Variants in EMC2 observed in about 807,000 individuals in gnomAD.
The protein encoded by EMC2 is ER membrane protein complex subunit 2.
Under a neutral mutation model 51.6 loss-of-function variants are expected in EMC2, and 37 were observed. That is an observed-to-expected ratio of 0.72 (90% CI 0.55 to 0.94). The LOEUF is 0.94. Among genes scored for constraint, EMC2 ranks in the 40% least tolerant of loss-of-function variants. The pLI, the probability that EMC2 is intolerant of heterozygous loss-of-function variation, is 0.00. For missense variants in EMC2, 359 were observed against 350.9 expected (o/e 1.02, Z -0.18); for synonymous variants, 131 against 112.4 (o/e 1.17, Z -1.04).
At chr8:108,451,222 AT>A (rs1486219263) in intron 3 of EMC2, among the ~76,000 whole-genome samples, 1 of 115,198 alleles carries the variant, frequency 8.7e-6, no homozygotes, top group Non-Finnish European at 1.7e-5. Context: ...AAAGAAAAAA[AT>A]CAAACAAACC....
chr8:108,451,447 C>T (rs1035562500), intron 3 of EMC2, among the ~76,000 whole-genome samples: 1 of 151,842 alleles, frequency 6.6e-6, no homozygotes, highest in South Asian at 2.1e-4. Context: ...TCTTAAGTAC[C>T]GCTTCATGCT....
At chr8:108,465,058 A>G (rs1819435203) in intron 5 of EMC2, among the ~76,000 whole-genome samples, 1 of 152,110 alleles carries the variant, frequency 6.6e-6, no homozygotes, top group Admixed American at 6.5e-5. Flanking sequence ...TCTAGGTAGT[A>G]TCTCTTCCCC....
At chr8:108,466,556 G>T (rs527330397) in intron 5 of EMC2, among the ~76,000 whole-genome samples, 2 of 147,466 alleles carry the variant, frequency 1.4e-5, no homozygotes, top group East Asian at 4.1e-4. Context: ...GGGCTCAAGC[G>T]ATCTCCCACC....
intron 1 of EMC2, among the ~76,000 whole-genome samples, chr8:108,444,705 C>G (rs375067672): frequency 6.6e-6 from 1 of 152,112 alleles, no homozygotes; most frequent in East Asian, 1.9e-4. Flanking sequence ...TGTACTTGAA[C>G]TGAATTAAAT....
chr8:108,476,474 A>G (rs1001109008), intron 8 of EMC2, among the ~76,000 whole-genome samples: 6 of 151,960 alleles, frequency 3.9e-5, no homozygotes, highest in Admixed American at 3.9e-4. Flanking sequence ...AGAAAATACA[A>G]TGTGAGGTGA....
At chr8:108,473,261 C>T (rs1405331473) in intron 7 of EMC2, among the ~76,000 whole-genome samples, 2 of 151,810 alleles carry the variant, frequency 1.3e-5, no homozygotes, top group Non-Finnish European at 2.9e-5. Context: ...TTTTTTGTGT[C>T]AGCACTACCA....
intron 5 of EMC2, among the ~76,000 whole-genome samples, chr8:108,468,419 A>G (rs999597638): frequency 6.6e-6 from 1 of 152,176 alleles, no homozygotes; most frequent in African/African-American, 2.4e-5. Context: ...GGCCTTTGCC[A>G]TGACCTGATT....
At chr8:108,453,786 T>TA (rs1819088987) in intron 4 of EMC2, among the ~76,000 whole-genome samples, 1 of 152,182 alleles carries the variant, frequency 6.6e-6, no homozygotes, top group Admixed American at 6.5e-5. Context: ...TTCTGCCTAT[T>TA]ATGTCTGTTA....
chr8:108,467,721 T>C (rs1481171938), intron 5 of EMC2, among the ~76,000 whole-genome samples: 1 of 152,174 alleles, frequency 6.6e-6, no homozygotes, highest in Non-Finnish European at 1.5e-5. Flanking sequence ...CCAACTGTTT[T>C]CAACAAGTTT....
At chr8:108,477,538 CT>C (rs921853582) in intron 9 of EMC2, among the ~76,000 whole-genome samples, 1 of 151,962 alleles carries the variant, frequency 6.6e-6, no homozygotes, top group Non-Finnish European at 1.5e-5. Context: ...CCTTTGACTT[CT>C]TGATGAGTGT....
chr8:108,473,263 G>A (rs9297412), intron 7 of EMC2, among the ~76,000 whole-genome samples: 103,793 of 151,714 alleles, frequency 0.68, 36,065 homozygotes, highest in African/African-American at 0.81. Flanking sequence ...TTTTGTGTCA[G>A]CACTACCAAT....
intron 1 of EMC2, among the ~76,000 whole-genome samples, chr8:108,444,486 G>A (rs981283096): frequency 1.3e-5 from 2 of 152,040 alleles, no homozygotes; most frequent in Non-Finnish European, 2.9e-5. Context: ...TTAAGGCGTG[G>A]AATTTGTGTA....
chr8:108,477,681 T>G (rs1222625302), intron 9 of EMC2, among the ~76,000 whole-genome samples: 2 of 152,024 alleles, frequency 1.3e-5, no homozygotes, highest in Admixed American at 6.6e-5. Context: ...TCAAGAAAAT[T>G]TTCCTGGATT....
intron 3 of EMC2, among the ~76,000 whole-genome samples, chr8:108,452,615 C>G (rs929111821): frequency 6.6e-6 from 1 of 151,948 alleles, no homozygotes; most frequent in Non-Finnish European, 1.5e-5. Context: ...TTCAACAGGG[C>G]AAAATTAATC....
At chr8:108,485,570 TACAC>T (rs547924736) in intron 10 of EMC2, among the ~76,000 whole-genome samples, 352 of 140,984 alleles carry the variant, frequency 2.5e-3, no homozygotes, top group Non-Finnish European at 4.0e-3. Context: ...CACACACACA[TACAC>T]ACACAATAAA....
At chr8:108,465,601 C>T (rs1344971469) in intron 5 of EMC2, among the ~76,000 whole-genome samples, 2 of 152,114 alleles carry the variant, frequency 1.3e-5, no homozygotes, top group Admixed American at 6.5e-5. Flanking sequence ...CTTTTAGTAG[C>T]GTGTTTTTCA....
chr8:108,462,287 A>G (rs1324268790), intron 5 of EMC2, among the ~76,000 whole-genome samples: 1 of 151,788 alleles, frequency 6.6e-6, no homozygotes, highest in Non-Finnish European at 1.5e-5. Context: ...CTATGTAACA[A>G]TATAGTTTAA....
intron 10 of EMC2, 113 bp downstream of exon 10, chr8:108,479,223 G>A (rs1811003122): frequency 2.3e-6 from 1 of 441,206 alleles, no homozygotes; most frequent in South Asian, 8.9e-5. Flanking sequence ...TGCCTTTGGG[G>A]CTTTATCAAA....
At chr8:108,451,999 A>G (rs111383661) in intron 3 of EMC2, among the ~76,000 whole-genome samples, 1 of 152,246 alleles carries the variant, frequency 6.6e-6, no homozygotes, top group African/African-American at 2.4e-5. Context: ...TTTTATTACC[A>G]GTTAATAGTT....
Sources: allele counts gnomAD v4.1 joint callset (sites outside exome capture counted in the v4.1 genomes callset), GRCh38; gene constraint gnomAD v4.1.1; transcripts MANE v1.5; gene names NCBI Gene and HGNC (gene_info 2026-07-23, HGNC 2026-07-21).